BRD3: variants seen among roughly 807,000 people sequenced by gnomAD.
The protein encoded by BRD3 is bromodomain containing 3, also known as bromodomain-containing protein 3.
Under a neutral mutation model 66.8 loss-of-function variants are expected in BRD3, and 17 were observed. The observed-to-expected ratio is 0.25, with a 90% CI of 0.17 to 0.38. The LOEUF (loss-of-function observed/expected upper bound fraction) is 0.38. Ranked by LOEUF, BRD3 falls within the 10% of genes least tolerant of loss-of-function variation. The pLI is 1.00. For synonymous variants in BRD3, 421 were observed against 393.2 expected, an observed-to-expected ratio of 1.07 and a Z score of -0.84; for missense variants, 713 against 956.1, an observed-to-expected ratio of 0.75 and a Z score of 3.35.
At position 134,038,601 on chromosome 9, in the gene BRD3, T is replaced by C. The variant is rs564210358; in HGVS notation, c.1643+1433A>G. 2.6e-5 allele frequency among the ~76,000 whole-genome samples: 4 copies of C among 152,284 alleles called. No individual in the cohort carries two copies. In the East Asian group the frequency reaches 7.7e-4, roughly 29 times the overall value. On this transcript the variant is annotated intron_variant, in intron 9 of 11. Coordinates refer to ENST00000303407, the MANE Select transcript of BRD3 (RefSeq NM_007371.4). The stretch of plus-strand genomic sequence containing the variant: ...CACCACACCAGGCTGCAACTCATTT[T>C]TGAGGCCAGCATTATACTGACACTA...
Position 134,032,065 on chromosome 9 carries a change from CAAGCCTGGGAGGCT to C in BRD3, c.*1511_*1524del, listed in dbSNP as rs1392252558. On this transcript the variant is annotated 3_prime_UTR_variant, in exon 12 of 12. Coordinates refer to ENST00000303407, the MANE Select transcript of BRD3 (RefSeq NM_007371.4). ...GGCAGGGAGCAGGCATGTCCACCCG[CAAGCCTGGGAGGCT>C]AACTCTGGCATTCCTGGCCGGAGCC... The C allele has an allele frequency of 3.2e-5, 7 of 218,918 alleles. No homozygotes were observed. Among genetic ancestry groups the C allele is most frequent in the African/African-American group, 1.6e-4 (7 of 44,366 alleles). The allele number at this position is 218,918 out of a possible 1,614,324, so 13.6% of individuals were successfully genotyped here.
intron 1 of BRD3, among the ~76,000 whole-genome samples, chr9:134,054,653 G>T (rs747202175): frequency 1.6e-4 from 25 of 152,248 alleles, no homozygotes; most frequent in Non-Finnish European, 3.4e-4. Flanking sequence ...CTCTGCCATG[G>T]GAGGAGCCGG....
Position 134,050,499 on chromosome 9 carries a change from C to T in BRD3, c.589G>A (p.Ala197Thr), listed in dbSNP as rs760534944. The stretch of plus-strand genomic sequence containing the variant: ...GTGATGGTTGGTACAGGGGTGGCAG[C>T]GATGACGGGCGTCTGGGAGACGGTG... ...PPTVSQTPVIAATPVPTITAN... is the reference protein window; with the variant it reads ...PPTVSQTPVITATPVPTITAN... Residue 197 changes from alanine (A) to threonine (T), a missense_variant, in exon 5 of 12, where the codon GCT (alanine) becomes ACT (threonine). Transcript: ENST00000303407. 32 of 1,606,514 alleles carry T rather than the reference C, an allele frequency of 2.0e-5. No homozygotes were observed. Among genetic ancestry groups the T allele is most frequent in the African/African-American group, 2.7e-5 (2 of 74,728 alleles).
rs751340091 is a variant in BRD3 at position 134,033,770 on chromosome 9, C to T, written c.2066-65G>A. The T allele has an allele frequency of 4.5e-6, 3 of 670,862 alleles. No individual in the cohort carries two copies. The highest frequency in any genetic ancestry group is 3.1e-5 in the South Asian group (2 of 64,086). 41.6% of individuals were successfully genotyped at this position (670,862 alleles called of 1,614,324 possible). A position where few individuals can be genotyped will look rare whatever the true frequency, so the allele number is the denominator to read the frequency against. ...CTTCTTGACCCGCTTGGCGGCATGT[C>T]GTCCATGCCAGCGTGACACCATCAC... On this transcript the variant is annotated intron_variant, in intron 11 of 11. Coordinates refer to ENST00000303407, the MANE Select transcript of BRD3 (RefSeq NM_007371.4). The surrounding 1 kb of genome is among the most constrained non-coding windows in gnomAD (Gnocchi z 5.1).
chr9:134,042,922 C>G (rs1382684949), intron 7 of BRD3, among the ~76,000 whole-genome samples: 1 of 152,098 alleles, frequency 6.6e-6, no homozygotes, highest in Non-Finnish European at 1.5e-5. Flanking sequence ...TCACTGCATC[C>G]TCCACATCCT....
chr9:134,047,056 T>C (rs1231549053), intron 6 of BRD3, among the ~76,000 whole-genome samples: 1 of 152,184 alleles, frequency 6.6e-6, no homozygotes, highest in Non-Finnish European at 1.5e-5. Context: ...GCCCTCAGCT[T>C]CCCCACCCAC....
At chr9:134,040,384 TGAG>T (rs1220951411) in intron 8 of BRD3, 115 bp from the exon 9 acceptor site, 3 of 1,232,922 alleles carry the variant, frequency 2.4e-6, no homozygotes, top group East Asian at 2.5e-5. Context: ...CTCAGCTGGG[TGAG>T]GAGGTGAACC....
chr9:134,035,475 A>G (rs920699256), intron 10 of BRD3, among the ~76,000 whole-genome samples: 1 of 152,148 alleles, frequency 6.6e-6, no homozygotes, highest in East Asian at 1.9e-4. Context: ...TGCAGACCCC[A>G]GCAGTGACTC....
At position 134,031,305 on chromosome 9, in the gene BRD3, G is replaced by A; in HGVS notation, c.*2285C>T. ...CACACAGGCAGCACCTCACTGCCCT[G>A]TGGCTGGAGGGGCATTGCAAGGAGC... On this transcript the variant is annotated 3_prime_UTR_variant, in exon 12 of 12. Transcript: ENST00000303407. 1 of 209,812 alleles carries A rather than the reference G, an allele frequency of 4.8e-6. No homozygotes were observed. Among genetic ancestry groups the A allele is most frequent in the African/African-American group, 2.3e-5 (1 of 43,990 alleles). 13.0% of individuals were successfully genotyped at this position (209,812 alleles called of 1,614,324 possible).
chr9:134,058,825 CAA>C (rs1156809302), intron 1 of BRD3: 1 of 152,332 alleles, frequency 6.6e-6, no homozygotes, highest in East Asian at 1.9e-4. Context: ...ACTGTGTCAC[CAA>C]GAGGGAGGGT....
rs904869835 is a variant in BRD3, at chr9:134,036,526, T to C, written c.1644-202A>G. 2.5e-6 allele frequency: 4 copies of C among 1,606,244 alleles called. No homozygotes were observed. In the African/African-American group the frequency reaches 5.4e-5, roughly 21 times the overall value. ...TTTCCAGCCCTTGGCCAGGAAACAA[T>C]TACAGAGGTTCGTTCCTCTCTACAC... is the stretch of plus-strand genomic sequence containing the variant. On this transcript the variant is annotated intron_variant, in intron 9 of 11. Coordinates refer to ENST00000303407, the MANE Select transcript of BRD3 (RefSeq NM_007371.4).
rs190712968 is a variant in BRD3, at chr9:134,034,696, G to A, written c.2065+5C>T. 60 of 1,603,104 alleles carry A rather than the reference G, an allele frequency of 3.7e-5. No individual in the cohort carries two copies. Among genetic ancestry groups the A allele is most frequent in the Non-Finnish European group, 3.9e-5 (46 of 1,179,890 alleles). ...GAGGGGTGGCACAGCGGCCGCCAGCGGTACCTTTCCGGGCGGGCTTCTTGC... is the reference window on the plus strand; with the variant it reads ...GAGGGGTGGCACAGCGGCCGCCAGCAGTACCTTTCCGGGCGGGCTTCTTGC... On this transcript the variant is annotated splice_donor_5th_base_variant and intron_variant, in intron 11 of 11. Transcript: ENST00000303407.
chr9:134,052,380 T>A lies in BRD3; in HGVS notation c.277A>T (p.Asn93Tyr). 1.2e-6 allele frequency: 2 copies of A among 1,613,168 alleles called. No individual in the cohort carries two copies. The highest frequency in any genetic ancestry group is 1.7e-6 in the Non-Finnish European group (2 of 1,179,712). Residue 93 changes from asparagine (N) to tyrosine (Y), a missense_variant, in exon 3 of 12, where the codon AAT becomes TAT. Physicochemically the swap from Asn to Tyr is moderately radical, Grantham distance 143. Around this residue, in one of 5 missense-constraint regions of BRD3, gnomAD observed 85 missense variants for 152.4 expected, o/e 0.56. Transcript: ENST00000303407. ...CATTCGCTTGCACTCCAATAATAAT[T>A]ATTTTCTAGTCTCTTCTTAATAGTC... ...MGTIKKRLEN[N>Y]YYWSASECMQ...
In BRD3 at chr9:134,031,878, G is replaced by T. The variant is rs1422124081; in HGVS notation, c.*1712C>A. The T allele has an allele frequency of 9.0e-6, 2 of 222,778 alleles. No homozygotes were observed. Among genetic ancestry groups the T allele is most frequent in the East Asian group, 1.3e-4 (2 of 15,344 alleles). The allele number at this position is 222,778 out of a possible 1,614,324, so 13.8% of individuals were successfully genotyped here. A position where few individuals can be genotyped will look rare whatever the true frequency, so the allele number is the denominator to read the frequency against. Reference sequence around the variant, plus strand: ...GAGGCTCCCCCACGCTGAGGTCCGGGAGAATGCCTGGTTTCAGTCATTTCC... The same window carrying T: ...GAGGCTCCCCCACGCTGAGGTCCGGTAGAATGCCTGGTTTCAGTCATTTCC... On this transcript the variant is annotated 3_prime_UTR_variant, in exon 12 of 12. Coordinates refer to ENST00000303407, the MANE Select transcript of BRD3 (RefSeq NM_007371.4).
chr9:134,038,703 A>C (rs1249340022), intron 9 of BRD3, among the ~76,000 whole-genome samples: 1 of 152,206 alleles, frequency 6.6e-6, no homozygotes, highest in Non-Finnish European at 1.5e-5. Flanking sequence ...AAACTGTCTG[A>C]GTCTTAACGT....
Position 134,050,123 on chromosome 9 carries a change from T to C in BRD3, c.714+251A>G, listed in dbSNP as rs34130575. Among the ~76,000 whole-genome samples, 1,233 of 152,328 alleles carry C rather than the reference T, an allele frequency of 8.1e-3. 11 individuals carry two copies. The highest frequency in any genetic ancestry group is 0.016 in the African/African-American group (680 of 41,580). On this transcript the variant is annotated intron_variant, in intron 5 of 11. Transcript: ENST00000303407. ...TGACCAAGCCTTTGGCCAGGGCTTC[T>C]GGCCAGAGAAGCTGGGGTTCAAGTT...
At chr9:134,043,138 C>T (rs1346173032) in intron 7 of BRD3, among the ~76,000 whole-genome samples, 1 of 152,114 alleles carries the variant, frequency 6.6e-6, no homozygotes, top group Non-Finnish European at 1.5e-5. Context: ...CACGCCCGGC[C>T]TACTTTATTT....
At chr9:134,066,592 A>G (rs1194629293) in intron 1 of BRD3, among the ~76,000 whole-genome samples, 3 of 152,082 alleles carry the variant, frequency 2.0e-5, no homozygotes, top group Non-Finnish European at 2.9e-5. Flanking sequence ...TTTTAAAGAA[A>G]AGAGTAAGGG....
At chr9:134,034,662 C>T in intron 11 of BRD3, 39 bp downstream of exon 11, 3 of 1,598,728 alleles carry the variant, frequency 1.9e-6, no homozygotes, top group Non-Finnish European at 2.5e-6. Context: ...CACCCCCCAC[C>T]CCCCTAAAGA....
Sources: gnomAD v4.1 joint callset for allele counts (sites outside exome capture counted in the v4.1 genomes callset) on GRCh38, gnomAD v4.1.1 for gene constraint, gnomAD v4.1.1 regional missense constraint, Gnocchi (gnomAD v3.1) non-coding constraint, MANE v1.5 for transcripts, NCBI Gene and HGNC (gene_info 2026-07-23, HGNC 2026-07-21) for gene names.